The following STARD13 variants were observed in gnomAD, a reference collection of about 807,000 sequenced individuals.
STARD13 encodes stAR-related lipid transfer protein 13.
In STARD13, 62 loss-of-function variants were observed where a neutral mutation model predicts 106.4. The observed-to-expected ratio is 0.58, with a 90% CI of 0.48 to 0.72. The LOEUF (loss-of-function observed/expected upper bound fraction) is 0.72, where lower values mean the gene tolerates loss of function less well. Among genes scored for constraint, STARD13 ranks in the 30% least tolerant of loss-of-function variants. The pLI is 0.00. For missense variants in STARD13, 1,387 were observed against 1,424.0 expected, an observed-to-expected ratio of 0.97 and a Z score of 0.42; for synonymous variants, 565 against 553.0, an observed-to-expected ratio of 1.02 and a Z score of -0.31.
intron 7 of STARD13, among the ~76,000 whole-genome samples, chr13:33,119,460 T>G (rs538657289): frequency 6.6e-6 from 1 of 152,274 alleles, no homozygotes; most frequent in East Asian, 1.9e-4. Context: ...GATCACTCTG[T>G]GTGCCAGGCC....
the STARD13 span, among the ~76,000 whole-genome samples, chr13:33,584,396 C>T: frequency 5.3e-4 from 80 of 152,116 alleles, no homozygotes; most frequent in South Asian, 0.016. Flanking sequence ...GAGGGTACCA[C>T]ACACTTTTAA....
At chr13:33,299,307 T>C (rs1013790641) in intron 1 of STARD13, among the ~76,000 whole-genome samples, 6 of 152,160 alleles carry the variant, frequency 3.9e-5, no homozygotes, top group Non-Finnish European at 7.4e-5. Flanking sequence ...ATATTAAAGC[T>C]CTAGCCTCAC....
chr13:33,351,749 C>G (rs1042661273), upstream of STARD13, among the ~76,000 whole-genome samples: 1 of 152,152 alleles, frequency 6.6e-6, no homozygotes, highest in Admixed American at 6.5e-5. Context: ...ACATAAGAAC[C>G]AAAATTTAAT....
the STARD13 span, among the ~76,000 whole-genome samples, chr13:33,634,685 T>C: frequency 6.6e-6 from 1 of 151,852 alleles, no homozygotes; most frequent in Non-Finnish European, 1.5e-5. Flanking sequence ...TGCGTTTTGA[T>C]AAACACCGCC....
intron 1 of STARD13, among the ~76,000 whole-genome samples, chr13:33,172,261 G>A (rs867074425): frequency 1.3e-5 from 2 of 151,984 alleles, no homozygotes; most frequent in Admixed American, 1.3e-4. Flanking sequence ...ACTTTGTTTC[G>A]AGAATGATGC....
intron 3 of STARD13, among the ~76,000 whole-genome samples, chr13:33,146,021 CA>C (rs934265308): frequency 5.3e-5 from 8 of 151,346 alleles, no homozygotes; most frequent in South Asian, 2.1e-4. Flanking sequence ...CCTGTCGCTA[CA>C]AAAAAAATAT....
At chr13:33,234,527 C>A (rs1889090671) in intron 1 of STARD13, among the ~76,000 whole-genome samples, 1 of 152,164 alleles carries the variant, frequency 6.6e-6, no homozygotes, top group Admixed American at 6.5e-5. Flanking sequence ...CAATGTTCAT[C>A]CACCTTACAT....
the STARD13 span, among the ~76,000 whole-genome samples, chr13:33,498,832 T>C: frequency 6.6e-6 from 1 of 152,200 alleles, no homozygotes; most frequent in Non-Finnish European, 1.5e-5. Flanking sequence ...GAGAGAGGAA[T>C]CTTGAAATAG....
At chr13:33,364,883 C>T in the STARD13 span, among the ~76,000 whole-genome samples, 25 of 147,564 alleles carry the variant, frequency 1.7e-4, no homozygotes, top group African/African-American at 6.0e-4. Flanking sequence ...AGCGAGACTC[C>T]GTCTCAAAAA....
At chr13:33,186,129 C>T in intron 1 of STARD13, 2 of 1,389,774 alleles carry the variant, frequency 1.4e-6, no homozygotes, top group Non-Finnish European at 1.9e-6. Context: ...ACCTGCGAAG[C>T]CTCAGCTGAG....
intron 1 of STARD13, among the ~76,000 whole-genome samples, chr13:33,220,118 G>T (rs924164432): frequency 6.6e-6 from 1 of 152,118 alleles, no homozygotes; most frequent in Non-Finnish European, 1.5e-5. Flanking sequence ...ATCTTCAGTG[G>T]GTAGAGCACT....
intron 1 of STARD13, among the ~76,000 whole-genome samples, chr13:33,201,713 C>G (rs1190559756): frequency 1.3e-5 from 2 of 152,058 alleles, no homozygotes; most frequent in Admixed American, 6.5e-5. Context: ...CAAATTCTGG[C>G]CTCAAAGGTT....
At chr13:33,477,986 A>G in the STARD13 span, among the ~76,000 whole-genome samples, 1 of 151,186 alleles carries the variant, frequency 6.6e-6, no homozygotes, top group Non-Finnish European at 1.5e-5. Context: ...CCCCTCATTC[A>G]TCATGACTCA....
chr13:33,343,577 T>TAAAAAAAAAAAA (rs1292508834), intron 1 of STARD13, among the ~76,000 whole-genome samples: 3 of 37,108 alleles, frequency 8.1e-5, no homozygotes, highest in Non-Finnish European at 1.4e-4. Context: ...GACCCTGTCT[T>TAAAAAAAAAAAA]AAAAAAAAAA....
intron 1 of STARD13, among the ~76,000 whole-genome samples, chr13:33,208,180 G>C (rs1887523149): frequency 6.6e-6 from 1 of 152,168 alleles, no homozygotes; most frequent in Non-Finnish European, 1.5e-5. Flanking sequence ...GGTCTGCAAG[G>C]GTACATGAAA....
the STARD13 span, among the ~76,000 whole-genome samples, chr13:33,446,744 A>G: frequency 6.6e-6 from 1 of 152,224 alleles, no homozygotes; most frequent in Non-Finnish European, 1.5e-5. Flanking sequence ...ATCTAATGCA[A>G]AAACACGAGT....
At chr13:33,454,065 G>A in the STARD13 span, among the ~76,000 whole-genome samples, 3 of 152,224 alleles carry the variant, frequency 2.0e-5, no homozygotes, top group Non-Finnish European at 4.4e-5. Flanking sequence ...CTTTCTACTT[G>A]TGGAGGCTAT....
At chr13:33,187,794 T>C (rs1885908926) in intron 1 of STARD13, among the ~76,000 whole-genome samples, 2 of 152,196 alleles carry the variant, frequency 1.3e-5, no homozygotes, top group African/African-American at 4.8e-5. Context: ...ATGATTCTCG[T>C]GCCTCAGCCT....
intron 1 of STARD13, among the ~76,000 whole-genome samples, chr13:33,233,979 G>A (rs1889059861): frequency 6.6e-6 from 1 of 152,212 alleles, no homozygotes; most frequent in Non-Finnish European, 1.5e-5. Flanking sequence ...TGAGTCTGTT[G>A]AAGGGGCCAA....
Sources: gnomAD v4.1 joint callset for allele counts (sites outside exome capture counted in the v4.1 genomes callset) on GRCh38, gnomAD v4.1.1 for gene constraint, MANE v1.5 for transcripts, NCBI Gene and HGNC (gene_info 2026-07-23, HGNC 2026-07-21) for gene names.